Variants in SCIN observed in about 807,000 individuals in gnomAD.
SCIN encodes the protein adseverin.
Under a neutral mutation model 91.8 loss-of-function variants are expected in SCIN, and 91 were observed. The ratio of observed to expected loss-of-function variants is 0.99; its 90% CI spans 0.84 to 1.18. SCIN has a LOEUF of 1.18. Ranked by LOEUF, SCIN falls within the 50% of genes most tolerant of loss-of-function variation. The pLI, the probability that SCIN is intolerant of heterozygous loss-of-function variation, is 0.00. For missense variants in SCIN, 1,087 were observed against 863.9 expected, an observed-to-expected ratio of 1.26 and a Z score of -3.24; for synonymous variants, 367 against 312.6, an observed-to-expected ratio of 1.17 and a Z score of -1.84.
intron 3 of SCIN, among the ~76,000 whole-genome samples, chr7:12,601,875 C>A (rs895721057): frequency 1.2e-4 from 18 of 152,158 alleles, no homozygotes; most frequent in Non-Finnish European, 1.8e-4. Flanking sequence ...AGTATTTAAA[C>A]ATTTTTCTTA....
chr7:12,589,999 G>T (rs10276230), intron 3 of SCIN, among the ~76,000 whole-genome samples: 1 of 151,528 alleles, frequency 6.6e-6, no homozygotes. Context: ...GATCCCATTT[G>T]CCCTTTCGAC....
rs773941394 is a variant in SCIN at position 12,640,379 on chromosome 7, C to G, written c.1443C>G (p.His481Gln). ...IRVSQGKEPV[H>Q]LLSLFKDKPL... Reference sequence around the variant, plus strand: ...TCTCCCAAGGCAAAGAGCCTGTTCACCTACTGAGTTTGTTCAAAGACAAAC... The same window carrying G: ...TCTCCCAAGGCAAAGAGCCTGTTCAGCTACTGAGTTTGTTCAAAGACAAAC... Residue 481 changes from histidine (H) to glutamine (Q), a missense_variant, in exon 11 of 16, where the codon CAC (histidine) becomes CAG (glutamine). Coordinates refer to ENST00000297029, the MANE Select transcript of SCIN (RefSeq NM_001112706.3). The G allele has an allele frequency of 1.9e-6, 3 of 1,610,466 alleles. No individual in the cohort carries two copies. Among genetic ancestry groups the G allele is most frequent in the Non-Finnish European group, 2.5e-6 (3 of 1,178,386 alleles).
intron 4 of SCIN, among the ~76,000 whole-genome samples, chr7:12,615,524 G>A (rs1035661789): frequency 6.6e-6 from 1 of 152,078 alleles, no homozygotes; most frequent in Non-Finnish European, 1.5e-5. Flanking sequence ...CATGCGGAAC[G>A]GAGAGTCAAT....
intron 11 of SCIN, 24 bp from the exon 12 acceptor site, chr7:12,644,114 G>A: frequency 6.3e-7 from 1 of 1,595,954 alleles, no homozygotes. Flanking sequence ...TTGAATCATT[G>A]TTTTATTTTT....
chr7:12,593,281 G>A (rs1005771779), intron 3 of SCIN, among the ~76,000 whole-genome samples: 5 of 152,164 alleles, frequency 3.3e-5, no homozygotes, highest in Non-Finnish European at 7.3e-5. Flanking sequence ...TATTTAGCAC[G>A]ATCTCTTTGG....
chr7:12,612,938 G>A (rs849791), intron 4 of SCIN, among the ~76,000 whole-genome samples: 143,714 of 152,238 alleles, frequency 0.94, 67,904 homozygotes, highest in East Asian at 1. Flanking sequence ...ATCAGTCCAA[G>A]TTAACACCAC....
intron 10 of SCIN, among the ~76,000 whole-genome samples, chr7:12,636,445 T>A (rs538460978): frequency 6.6e-6 from 1 of 152,328 alleles, no homozygotes; most frequent in Middle Eastern, 3.4e-3. Context: ...TCTGTATTAC[T>A]GTTTCCAGCT....
intron 3 of SCIN, among the ~76,000 whole-genome samples, chr7:12,597,510 C>T (rs1236205768): frequency 6.6e-6 from 1 of 152,208 alleles, no homozygotes; most frequent in Non-Finnish European, 1.5e-5. Context: ...TTAAACACAG[C>T]CTCTGAAATC....
chr7:12,575,149 A>G (rs1052993997), intron 1 of SCIN, among the ~76,000 whole-genome samples: 4 of 151,846 alleles, frequency 2.6e-5, no homozygotes, highest in Admixed American at 1.3e-4. Context: ...CATTGTTTCT[A>G]TATAGAAATG....
At chr7:12,616,549 A>C (rs1324747576) in intron 4 of SCIN, among the ~76,000 whole-genome samples, 1 of 152,104 alleles carries the variant, frequency 6.6e-6, no homozygotes, top group Non-Finnish European at 1.5e-5. Context: ...TGTTGTAGCA[A>C]CTCCAAACAG....
intron 2 of SCIN, among the ~76,000 whole-genome samples, chr7:12,578,915 T>TTTTTTTTTTTTTTG (rs1217107326): frequency 7.0e-6 from 1 of 142,832 alleles, no homozygotes; most frequent in Non-Finnish European, 1.5e-5. Flanking sequence ...ACAGGTTTTT[T>TTTTTTTTTTTTTTG]TTTTTTTTTG....
At chr7:12,620,224 TTC>T (rs1783379585) in intron 4 of SCIN, among the ~76,000 whole-genome samples, 1 of 152,092 alleles carries the variant, frequency 6.6e-6, no homozygotes, top group South Asian at 2.1e-4. Context: ...TTTTGATATC[TTC>T]TCTCTTAGCA....
rs577337774 is a variant in SCIN at position 12,654,334 on chromosome 7, T to C, written c.*1619T>C. On this transcript the variant is annotated 3_prime_UTR_variant, in exon 16 of 16. Coordinates refer to ENST00000297029, the MANE Select transcript of SCIN (RefSeq NM_001112706.3). ...TGTGGCCGTCCAGGCAGGCATGAGA[T>C]TTCTCAGCCTTACTTCAACTTGATT... 1 of 152,254 alleles carries C rather than the reference T, an allele frequency of 6.6e-6. No individual in the cohort carries two copies. Among genetic ancestry groups the C allele is most frequent in the South Asian group, 2.1e-4 (1 of 4,824 alleles). The allele number at this position is 152,254 out of a possible 1,614,324, so 9.4% of individuals were successfully genotyped here.
At chr7:12,628,431 C>T (rs1311203037) in intron 8 of SCIN, among the ~76,000 whole-genome samples, 1 of 152,124 alleles carries the variant, frequency 6.6e-6, no homozygotes, top group African/African-American at 2.4e-5. Context: ...GATCCACTTT[C>T]AGGTTCATAG....
Position 12,633,805 on chromosome 7 carries a change from T to C in SCIN, c.1320-2240T>C, listed in dbSNP as rs562186352. On this transcript the variant is annotated intron_variant, in intron 9 of 15. Coordinates refer to ENST00000297029, the MANE Select transcript of SCIN (RefSeq NM_001112706.3). ...GCGGTGGCCCATCATCATGCAGCTC[T>C]GTGTAACTCCTCACCTTGTGCTTCC... is the stretch of plus-strand genomic sequence containing the variant. 8.5e-5 allele frequency among the ~76,000 whole-genome samples: 13 copies of C among 152,304 alleles called. No homozygotes were observed. In the East Asian group the frequency reaches 2.5e-3, roughly 29 times the overall value.
At position 12,646,159 on chromosome 7, in the gene SCIN, T is replaced by C. The variant is rs188947561; in HGVS notation, c.1881+1454T>C. Among the ~76,000 whole-genome samples the C allele has an allele frequency of 1.4e-3, 208 of 152,346 alleles. 1 individual carries two copies. Among genetic ancestry groups the C allele is most frequent in the Middle Eastern group, 3.4e-3 (1 of 294 alleles). ...GTCATTTACAAGCTTTGACTTCCAG[T>C]CCAGTCAGAAGTAAAATTAGAAGTA... is the stretch of plus-strand genomic sequence containing the variant. On this transcript the variant is annotated intron_variant, in intron 13 of 15. Coordinates refer to ENST00000297029, the MANE Select transcript of SCIN (RefSeq NM_001112706.3).
At chr7:12,577,225 A>G (rs982362578) in intron 1 of SCIN, among the ~76,000 whole-genome samples, 9 of 152,172 alleles carry the variant, frequency 5.9e-5, no homozygotes, top group African/African-American at 1.7e-4. Context: ...TTCAAACAGA[A>G]CCAGTCAGAT....
At chr7:12,642,681 T>C (rs1229870556) in intron 11 of SCIN, among the ~76,000 whole-genome samples, 1 of 151,158 alleles carries the variant, frequency 6.6e-6, no homozygotes, top group South Asian at 2.1e-4. Context: ...CTGATCTCAT[T>C]TTTCTCAACC....
intron 5 of SCIN, among the ~76,000 whole-genome samples, chr7:12,623,706 A>G (rs898852159): frequency 2.0e-4 from 30 of 152,150 alleles, no homozygotes; most frequent in Admixed American, 3.3e-4. Flanking sequence ...TAACAGAAAG[A>G]AACTATATTT....
Sources: allele counts gnomAD v4.1 joint callset (sites outside exome capture counted in the v4.1 genomes callset), GRCh38; gene constraint gnomAD v4.1.1; transcripts MANE v1.5; gene names NCBI Gene and HGNC (gene_info 2026-07-23, HGNC 2026-07-21).